PIP4P2: variants seen among roughly 807,000 people sequenced by gnomAD.
PIP4P2 encodes type 2 phosphatidylinositol 4,5-bisphosphate 4-phosphatase.
Under a neutral mutation model 33.3 loss-of-function variants are expected in PIP4P2, and 19 were observed. That is an observed-to-expected ratio of 0.57 (90% confidence interval 0.40 to 0.84). The LOEUF (loss-of-function observed/expected upper bound fraction) is 0.84, where lower values mean the gene tolerates loss of function less well. PIP4P2 is among the 40% of genes least tolerant of loss of function. PIP4P2 has a pLI of 0.00. For missense variants in PIP4P2, 270 were observed against 324.7 expected (o/e 0.83, Z 1.29); for synonymous variants, 110 against 111.9 (o/e 0.98, Z 0.11).
intron 5 of PIP4P2, among the ~76,000 whole-genome samples, chr8:90,998,898 G>A (rs1197749580): frequency 1.3e-5 from 2 of 151,980 alleles, no homozygotes; most frequent in Non-Finnish European, 2.9e-5. Flanking sequence ...AAAAGAAACT[G>A]CAACAAAAGC....
chr8:91,040,850 A>AGCTGCTGCTGCTGCC lies in PIP4P2; in HGVS notation c.-102_-101insGGCAGCAGCAGCAGC, dbSNP rs1554584011. Reference sequence around the variant, plus strand: ...CCTCTGCTGCCGCTGCTGCCGCTGCAGCTGCTGCTGCTGCCGCCTCCGGGA... The same window carrying AGCTGCTGCTGCTGCC: ...CCTCTGCTGCCGCTGCTGCCGCTGCAGCTGCTGCTGCTGCCGCTGCTGCTGCTGCCGCCTCCGGGA... On this transcript the variant is annotated 5_prime_UTR_variant, in exon 1 of 7. Coordinates refer to ENST00000285419, the MANE Select transcript of PIP4P2 (RefSeq NM_018710.3). 7.4e-4 allele frequency: 758 copies of AGCTGCTGCTGCTGCC among 1,019,580 alleles called. 3 individuals carry two copies. In the African/African-American group the frequency reaches 0.011, roughly 15 times the overall value. The allele number at this position is 1,019,580 out of a possible 1,614,324, so 63.2% of individuals were successfully genotyped here.
At chr8:91,003,156 T>C (rs1811721963) in intron 5 of PIP4P2, among the ~76,000 whole-genome samples, 1 of 152,192 alleles carries the variant, frequency 6.6e-6, no homozygotes, top group African/African-American at 2.4e-5. Flanking sequence ...TGCACAACTG[T>C]ATGCCATGGC....
At chr8:91,000,665 C>G (rs183296263) in intron 5 of PIP4P2, among the ~76,000 whole-genome samples, 1 of 151,928 alleles carries the variant, frequency 6.6e-6, no homozygotes, top group East Asian at 1.9e-4. Context: ...TGCCTTTTGT[C>G]TCTCTGCTTT....
intron 5 of PIP4P2, among the ~76,000 whole-genome samples, chr8:90,997,933 A>G (rs1422981500): frequency 6.6e-6 from 1 of 152,096 alleles, no homozygotes; most frequent in Non-Finnish European, 1.5e-5. Context: ...GCAAATATAC[A>G]TCGTAAATTT....
At position 91,014,303 on chromosome 8, in the gene PIP4P2, T is replaced by C. The variant is rs11995929; in HGVS notation, c.486+4087A>G. Among the ~76,000 whole-genome samples the C allele has an allele frequency of 2.9e-3, 448 of 152,236 alleles. 1 individual carries two copies. The highest frequency in any genetic ancestry group is 9.6e-3 in the African/African-American group (398 of 41,548). ...CAGGAGTATCACAATCCCAAGCTCA[T>C]TGCAGCATTATTCATAAAAACCAAG... On this transcript the variant is annotated intron_variant, in intron 4 of 6. Coordinates refer to ENST00000285419, the MANE Select transcript of PIP4P2 (RefSeq NM_018710.3).
intron 5 of PIP4P2, among the ~76,000 whole-genome samples, chr8:90,997,099 T>C (rs1811638865): frequency 6.6e-6 from 1 of 152,138 alleles, no homozygotes; most frequent in Non-Finnish European, 1.5e-5. Context: ...TTGATTTTTT[T>C]ACAGTTAAAA....
At chr8:90,999,595 A>G (rs1428906885) in intron 5 of PIP4P2, among the ~76,000 whole-genome samples, 1 of 152,104 alleles carries the variant, frequency 6.6e-6, no homozygotes, top group Admixed American at 6.6e-5. Context: ...ACTATCTGCA[A>G]GACAGGCTAG....
intron 6 of PIP4P2, among the ~76,000 whole-genome samples, 176 bp downstream of exon 6, chr8:90,996,478 C>CA (rs1463430696): frequency 6.6e-6 from 1 of 151,870 alleles, no homozygotes; most frequent in African/African-American, 2.4e-5. Context: ...CGAGTTCAAT[C>CA]AAAAAGAGGT....
At chr8:91,021,192 C>T in intron 2 of PIP4P2, 64 bp downstream of exon 2, 1 of 1,575,194 alleles carries the variant, frequency 6.3e-7, no homozygotes, top group Non-Finnish European at 8.7e-7. Flanking sequence ...TATTGAAGTA[C>T]TTCCTTTAGG....
At chr8:91,009,722 A>G (rs1387738376) in intron 4 of PIP4P2, among the ~76,000 whole-genome samples, 1 of 151,940 alleles carries the variant, frequency 6.6e-6, no homozygotes. Flanking sequence ...CGTTTTCCAC[A>G]CAATAGAAGA....
intron 1 of PIP4P2, among the ~76,000 whole-genome samples, chr8:91,023,625 TG>T (rs942014613): frequency 1.3e-5 from 2 of 151,782 alleles, no homozygotes; most frequent in African/African-American, 4.8e-5. Flanking sequence ...TTTGGAGGCT[TG>T]GGAAGTGGAG....
intron 1 of PIP4P2, among the ~76,000 whole-genome samples, chr8:91,038,491 A>G (rs1317209213): frequency 6.6e-6 from 1 of 152,164 alleles, no homozygotes. Flanking sequence ...TTTTTTTACA[A>G]TCTGAAATAA....
At chr8:90,998,475 A>G (rs1005976696) in intron 5 of PIP4P2, among the ~76,000 whole-genome samples, 2 of 152,070 alleles carry the variant, frequency 1.3e-5, no homozygotes, top group African/African-American at 4.8e-5. Context: ...ACCAACAAGC[A>G]CTTATTAATC....
intron 3 of PIP4P2, among the ~76,000 whole-genome samples, chr8:91,019,585 A>C (rs1269215224): frequency 1.3e-5 from 2 of 149,932 alleles, no homozygotes; most frequent in Non-Finnish European, 3.0e-5. Context: ...AAAAAGAGAG[A>C]GACTAACAGA....
intron 1 of PIP4P2, among the ~76,000 whole-genome samples, chr8:91,025,118 T>C (rs1476047830): frequency 6.6e-6 from 1 of 151,326 alleles, no homozygotes; most frequent in Non-Finnish European, 1.5e-5. Flanking sequence ...AAACATCTGA[T>C]AATGTAGATT....
At chr8:91,004,196 G>A (rs564301976) in intron 5 of PIP4P2, among the ~76,000 whole-genome samples, 3 of 152,272 alleles carry the variant, frequency 2.0e-5, no homozygotes, top group South Asian at 4.1e-4. Flanking sequence ...GAAGGTCTGC[G>A]GAGCTGAGGG....
At chr8:90,998,693 G>A (rs879424677) in intron 5 of PIP4P2, among the ~76,000 whole-genome samples, 10 of 152,004 alleles carry the variant, frequency 6.6e-5, no homozygotes, top group Non-Finnish European at 1.5e-4. Context: ...AATGGTGCTG[G>A]AATAACTGGC....
At chr8:91,032,293 C>T (rs975521975) in intron 1 of PIP4P2, among the ~76,000 whole-genome samples, 1 of 152,206 alleles carries the variant, frequency 6.6e-6, no homozygotes, top group Non-Finnish European at 1.5e-5. Flanking sequence ...ACAACAGCAA[C>T]TGGAAAAGAA....
intron 1 of PIP4P2, among the ~76,000 whole-genome samples, chr8:91,029,069 G>C (rs1255382864): frequency 6.6e-6 from 1 of 152,118 alleles, no homozygotes; most frequent in Non-Finnish European, 1.5e-5. Flanking sequence ...AAGGTGGACA[G>C]ATCAAGAGGT....
Sources: allele counts gnomAD v4.1 joint callset (sites outside exome capture counted in the v4.1 genomes callset), GRCh38; gene constraint gnomAD v4.1.1; transcripts MANE v1.5; gene names NCBI Gene and HGNC (gene_info 2026-07-23, HGNC 2026-07-21).